Variants in MAN2A1 observed in about 807,000 individuals in gnomAD.
MAN2A1 encodes alpha-mannosidase 2.
In MAN2A1, 76 loss-of-function variants were observed where a neutral mutation model predicts 142.6. The ratio of observed to expected loss-of-function variants is 0.53; its 90% CI spans 0.44 to 0.65. The LOEUF (loss-of-function observed/expected upper bound fraction) is 0.65. Among genes scored for constraint, MAN2A1 ranks in the 30% least tolerant of loss-of-function variants. The pLI, the probability that MAN2A1 is intolerant of heterozygous loss-of-function variation, is 0.00. For missense variants in MAN2A1, 1,311 were observed against 1,365.1 expected, an observed-to-expected ratio of 0.96 and a Z score of 0.62; for synonymous variants, 559 against 473.2, an observed-to-expected ratio of 1.18 and a Z score of -2.35.
At chr5:109,797,308 CTG>C (rs3831885) in intron 12 of MAN2A1, among the ~76,000 whole-genome samples, 21,592 of 151,748 alleles carry the variant, frequency 0.14, 2,521 homozygotes, top group East Asian at 0.64. Context: ...GTTATAATCT[CTG>C]AGAAATATGA....
intron 12 of MAN2A1, among the ~76,000 whole-genome samples, chr5:109,795,232 G>A (rs1022788406): frequency 1.4e-4 from 22 of 151,958 alleles, no homozygotes; most frequent in African/African-American, 5.1e-4. Flanking sequence ...AAATATAAAG[G>A]TCTCTTGGGG....
intron 9 of MAN2A1, among the ~76,000 whole-genome samples, chr5:109,782,712 C>G (rs564222290): frequency 3.9e-5 from 6 of 152,058 alleles, no homozygotes; most frequent in Non-Finnish European, 8.8e-5. Flanking sequence ...AATACTATTT[C>G]AAAAGCCTAA....
chr5:109,790,977 C>G (rs1364544525), intron 12 of MAN2A1, among the ~76,000 whole-genome samples: 1 of 151,668 alleles, frequency 6.6e-6, no homozygotes, highest in East Asian at 1.9e-4. Flanking sequence ...CTTTCTAATG[C>G]CAGAAGAAGA....
intron 8 of MAN2A1, among the ~76,000 whole-genome samples, chr5:109,779,092 A>G (rs1478176742): frequency 6.6e-6 from 1 of 152,140 alleles, no homozygotes; most frequent in Admixed American, 6.5e-5. Flanking sequence ...TGAGCTACCA[A>G]GAGACTTTCT....
At chr5:109,848,817 T>C (rs1052471943) in intron 19 of MAN2A1, among the ~76,000 whole-genome samples, 1 of 152,216 alleles carries the variant, frequency 6.6e-6, no homozygotes, top group African/African-American at 2.4e-5. Flanking sequence ...CTTCAGACTC[T>C]TATTTCCATT....
At chr5:109,759,968 TAG>T (rs1561497419) in intron 5 of MAN2A1, among the ~76,000 whole-genome samples, 10 of 52,870 alleles carry the variant, frequency 1.9e-4, no homozygotes, top group African/African-American at 7.9e-4. Context: ...TATATATAGA[TAG>T]ATAGATAGAT....
chr5:109,866,842 T>C lies in MAN2A1; in HGVS notation c.3283-4T>C. 5.0e-6 allele frequency: 8 copies of C among 1,588,780 alleles called. No individual in the cohort carries two copies. The highest frequency in any genetic ancestry group is 6.9e-6 in the Non-Finnish European group (8 of 1,162,356). ...ATATGTAAATTTTATCATTTACTTTTCAGATATTGGTACAGAAACTTTTAA... is the reference window on the plus strand; with the variant it reads ...ATATGTAAATTTTATCATTTACTTTCCAGATATTGGTACAGAAACTTTTAA... On this transcript the variant is annotated splice_region_variant and splice_polypyrimidine_tract_variant and intron_variant, in intron 21 of 21. Transcript: ENST00000261483.
intron 4 of MAN2A1, among the ~76,000 whole-genome samples, chr5:109,732,682 G>T (rs1349853427): frequency 2.0e-5 from 3 of 152,102 alleles, no homozygotes; most frequent in African/African-American, 7.2e-5. Flanking sequence ...CAGATATGTG[G>T]CATTATTTCT....
intron 1 of MAN2A1, among the ~76,000 whole-genome samples, chr5:109,711,292 G>T (rs79417409): frequency 0.043 from 6,514 of 152,256 alleles, 162 homozygotes; most frequent in Non-Finnish European, 0.064. Flanking sequence ...TGGTAAATTT[G>T]TATCTTCAGT....
intron 19 of MAN2A1, chr5:109,854,504 A>G (rs1396817123): frequency 1.3e-5 from 2 of 152,226 alleles, no homozygotes; most frequent in African/African-American, 4.8e-5. Context: ...TAGTGAAACA[A>G]TTGGCAATGA....
chr5:109,816,095 A>T (rs1240285013), intron 12 of MAN2A1, among the ~76,000 whole-genome samples: 4 of 152,234 alleles, frequency 2.6e-5, no homozygotes, highest in African/African-American at 2.4e-5. Flanking sequence ...AGGCAAAGCC[A>T]TGAAAGAATG....
rs190179189 is a variant in MAN2A1 at position 109,811,551 on chromosome 5, G to A, written c.1944-5722G>A. ...TTTCTGTTTTGATTGGTCTCCTGAA[G>A]ATTGTTAATCTTCCTAACAGCCGTG... On this transcript the variant is annotated intron_variant, in intron 12 of 21. Coordinates refer to ENST00000261483, the MANE Select transcript of MAN2A1 (RefSeq NM_002372.4). 1.6e-3 allele frequency among the ~76,000 whole-genome samples: 244 copies of A among 148,410 alleles called. 1 individual carries two copies. The highest frequency in any genetic ancestry group is 0.014 in the Middle Eastern group (4 of 290).
chr5:109,715,374 G>C (rs1751424345), intron 2 of MAN2A1, among the ~76,000 whole-genome samples: 1 of 151,814 alleles, frequency 6.6e-6, no homozygotes, highest in Non-Finnish European at 1.5e-5. Flanking sequence ...AAGGTTGTTT[G>C]GTTGTGTTGT....
intron 3 of MAN2A1, among the ~76,000 whole-genome samples, chr5:109,728,925 G>T (rs1751821975): frequency 6.6e-6 from 1 of 152,010 alleles, no homozygotes. Flanking sequence ...TTTAGATGTG[G>T]CATGAGAGGA....
chr5:109,859,852 T>C (rs1178184627), intron 20 of MAN2A1, among the ~76,000 whole-genome samples: 1 of 151,428 alleles, frequency 6.6e-6, no homozygotes, highest in East Asian at 1.9e-4. Context: ...TGGAATACTT[T>C]AGAAATGTGA....
At chr5:109,815,119 T>C (rs1212788901) in intron 12 of MAN2A1, among the ~76,000 whole-genome samples, 1 of 152,204 alleles carries the variant, frequency 6.6e-6, no homozygotes, top group African/African-American at 2.4e-5. Context: ...TCCACCACTG[T>C]TTTTCTTCCC....
At chr5:109,694,869 C>A (rs1001516819) in intron 1 of MAN2A1, among the ~76,000 whole-genome samples, 2 of 152,126 alleles carry the variant, frequency 1.3e-5, no homozygotes, top group Non-Finnish European at 2.9e-5. Flanking sequence ...AAAATATGAT[C>A]TCCTTCCCCT....
chr5:109,722,281 T>C (rs1751626510), intron 3 of MAN2A1, among the ~76,000 whole-genome samples: 1 of 152,204 alleles, frequency 6.6e-6, no homozygotes, highest in South Asian at 2.1e-4. Flanking sequence ...TTCCTTCTGA[T>C]TTATCTTAAT....
At position 109,690,291 on chromosome 5, in the gene MAN2A1, GCAT is replaced by G; in HGVS notation, c.-125_-123del. 1 of 951,310 alleles carries G rather than the reference GCAT, an allele frequency of 1.1e-6. No individual in the cohort carries two copies. Among genetic ancestry groups the G allele is most frequent in the Non-Finnish European group, 1.6e-6 (1 of 607,454 alleles). The allele number at this position is 951,310 out of a possible 1,614,324, so 58.9% of individuals were successfully genotyped here. On this transcript the variant is annotated 5_prime_UTR_variant, in exon 1 of 22. Transcript: ENST00000261483. ...CGGAGCAAGGCGGGGACTCGCACCC[GCAT>G]CCGAGAGCGCGGAGGTCGCGCAGCC...
Sources: gnomAD v4.1 joint callset for allele counts (sites outside exome capture counted in the v4.1 genomes callset) on GRCh38, gnomAD v4.1.1 for gene constraint, MANE v1.5 for transcripts, NCBI Gene and HGNC (gene_info 2026-07-23, HGNC 2026-07-21) for gene names.